Variants in RIPK4 observed in about 807,000 individuals in gnomAD.
RIPK4 encodes receptor interacting serine/threonine kinase 4.
Under a neutral mutation model 42.9 loss-of-function variants are expected in RIPK4, and 17 were observed. The observed-to-expected ratio is 0.40, with a 90% confidence interval of 0.27 to 0.59. The LOEUF (loss-of-function observed/expected upper bound fraction) is 0.59, where lower values mean the gene tolerates loss of function less well. Ranked by LOEUF, RIPK4 falls within the 20% of genes least tolerant of loss-of-function variation. The pLI is 0.47. For synonymous variants in RIPK4, 498 were observed against 499.1 expected, an observed-to-expected ratio of 1.00 and a Z score of 0.03; for missense variants, 897 against 1,104.4, an observed-to-expected ratio of 0.81 and a Z score of 2.66.
chr21:41,759,588 G>C (rs1206379083), intron 1 of RIPK4, among the ~76,000 whole-genome samples: 1 of 152,176 alleles, frequency 6.6e-6, no homozygotes, highest in Non-Finnish European at 1.5e-5. Context: ...CTATAACCCA[G>C]TGTCCGCTGC....
Position 41,741,650 on chromosome 21 carries a change from C to A in RIPK4, c.1543G>T (p.Gly515Trp). 1.2e-6 allele frequency: 2 copies of A among 1,613,658 alleles called. No homozygotes were observed. The highest frequency in any genetic ancestry group is 1.7e-6 in the Non-Finnish European group (2 of 1,180,006). The change falls in exon 8 of 8, where the codon GGG becomes TGG. Residue 515 changes from glycine to tryptophan, a missense_variant. Physicochemically the swap from Gly to Trp is radical, Grantham distance 184 (BLOSUM62 -2). Transcript: ENST00000332512. ...WTALHFAAQN[G>W]DESSTRLLLE... is the part of the protein sequence containing the mutation. ...AGCAGCCGTGTGCTAGACTCGTCCC[C>A]GTTCTGGGCTGCAAAGTGGAGGGCT... is the stretch of plus-strand genomic sequence containing the variant.
At chr21:41,766,766 C>T in intron 1 of RIPK4, 94 bp downstream of exon 1, 2 of 1,339,056 alleles carry the variant, frequency 1.5e-6, no homozygotes, top group Non-Finnish European at 2.0e-6. Context: ...GGGGTGAGTT[C>T]GGGAGAGAGA....
Position 41,756,894 on chromosome 21 carries a change from C to T in RIPK4, c.183-78G>A, listed in dbSNP as rs531353665. The T allele has an allele frequency of 2.3e-3, 3,382 of 1,481,084 alleles. 13 individuals carry two copies. Among genetic ancestry groups the T allele is most frequent in the Middle Eastern group, 6.7e-3 (38 of 5,702 alleles). 91.7% of individuals were successfully genotyped at this position (1,481,084 alleles called of 1,614,324 possible). Reference sequence around the variant, plus strand: ...ATGGAACAGCACCCTGGCCAGAAGACGACCAGCTCCAGAGGGCTGAGCAAA... The same window carrying T: ...ATGGAACAGCACCCTGGCCAGAAGATGACCAGCTCCAGAGGGCTGAGCAAA... On this transcript the variant is annotated intron_variant, in intron 1 of 7. Transcript: ENST00000332512.
intron 1 of RIPK4, among the ~76,000 whole-genome samples, chr21:41,759,030 G>A (rs192742617): frequency 6.6e-6 from 1 of 152,306 alleles, no homozygotes; most frequent in East Asian, 1.9e-4. Flanking sequence ...GAAGCTGGCT[G>A]GAATGCTGGT....
Position 41,756,616 on chromosome 21 carries a change from C to T in RIPK4, c.383G>A (p.Gly128Asp). The T allele has an allele frequency of 1.2e-6, 2 of 1,613,784 alleles. No individual in the cohort carries two copies. The highest frequency in any genetic ancestry group is 1.7e-6 in the Non-Finnish European group (2 of 1,179,984). The change falls in exon 2 of 8, where the codon GGC becomes GAC. Residue 128 changes from glycine to aspartate, a missense_variant. Gly to Asp is a moderately conservative substitution (Grantham distance 94). Transcript: ENST00000332512. ...RFRIIHETAV[G>D]MNFLHCMAPP... ...GGCCATGCAGTGCAGGAAGTTCATG[C>T]CCACCGCCGTCTCGTGGATGATTCG... is the stretch of plus-strand genomic sequence containing the variant.
At chr21:41,763,703 C>T (rs753606533) in intron 1 of RIPK4, among the ~76,000 whole-genome samples, 17 of 152,310 alleles carry the variant, frequency 1.1e-4, no homozygotes, top group Admixed American at 2.6e-4. Flanking sequence ...GGTTCCCACA[C>T]GGCTATTTTT....
At position 41,749,077 on chromosome 21, in the gene RIPK4, G is replaced by C. The variant is rs1420626104; in HGVS notation, c.673+77C>G. 3.4e-6 allele frequency: 5 copies of C among 1,478,332 alleles called. No individual in the cohort carries two copies. In the East Asian group the frequency reaches 9.0e-5, roughly 27 times the overall value. The allele number at this position is 1,478,332 out of a possible 1,614,324, so 91.6% of individuals were successfully genotyped here. ...GGATCACAGGCTCTGTTTTAGGATA[G>C]AGAAAGGACAACAAGGTGTCCCCCC... On this transcript the variant is annotated intron_variant, in intron 4 of 7. Coordinates refer to ENST00000332512, the MANE Select transcript of RIPK4 (RefSeq NM_020639.3).
intron 1 of RIPK4, among the ~76,000 whole-genome samples, chr21:41,764,192 G>A (rs2061229482): frequency 6.6e-6 from 1 of 152,232 alleles, no homozygotes; most frequent in Non-Finnish European, 1.5e-5. Context: ...AGAAAAGCAA[G>A]CTCACATGGC....
rs1422412268 is a variant in RIPK4 at position 41,746,169 on chromosome 21, T to C, written c.833-307A>G. On this transcript the variant is annotated intron_variant, in intron 5 of 7. Transcript: ENST00000332512. ...CGGATGAGCTCCCCATTCAGCCCGT[T>C]TCCTGCCGTAAGCTTTAAATGCAGC... The C allele has an allele frequency of 1.4e-5, 9 of 648,464 alleles. No individual in the cohort carries two copies. The African/African-American group carries it at 1.6e-4, about 12-fold the overall frequency. 40.2% of individuals were successfully genotyped at this position (648,464 alleles called of 1,614,324 possible).
At position 41,766,857 on chromosome 21, in the gene RIPK4, C is replaced by G. The variant is rs2061238892; in HGVS notation, c.182+3G>C. 6.2e-7 allele frequency: 1 copy of G among 1,606,462 alleles called. No individual in the cohort carries two copies. Among genetic ancestry groups the G allele is most frequent in the Admixed American group, 1.7e-5 (1 of 59,720 alleles). ...GCCCCAGCGCCCCGCCCGGGCCGCT[C>G]ACCTGTCGTCGACGTGCAGGCTGGG... On this transcript the variant is annotated splice_donor_region_variant and intron_variant, in intron 1 of 7. Transcript: ENST00000332512.
intron 2 of RIPK4, among the ~76,000 whole-genome samples, chr21:41,752,185 G>A (rs1247121745): frequency 6.6e-6 from 1 of 152,222 alleles, no homozygotes; most frequent in Non-Finnish European, 1.5e-5. Flanking sequence ...TTGATCCAGG[G>A]GGAGTGCTGC....
intron 1 of RIPK4, among the ~76,000 whole-genome samples, chr21:41,759,825 G>C (rs1253036069): frequency 6.6e-6 from 1 of 152,234 alleles, no homozygotes; most frequent in Non-Finnish European, 1.5e-5. Context: ...TTCCCTGCAG[G>C]AAAGGCCAGC....
At position 41,744,118 on chromosome 21, in the gene RIPK4, C is replaced by G; in HGVS notation, c.959G>C (p.Arg320Pro). Residue 320 changes from arginine to proline, a missense_variant, in exon 7 of 8, where the codon CGG (arginine) becomes CCG (proline). Arg to Pro is a moderately radical substitution (Grantham distance 103). Transcript: ENST00000332512. ...GTTATCGAAGGTGGGGGCAGAGGCC[C>G]GCTTGAGCCTCGCAGGCACCACCTG... ...RSEVVPARLKRASAPTFDNDY... is the reference protein window; with the variant it reads ...RSEVVPARLKPASAPTFDNDY... 6.3e-7 allele frequency: 1 copy of G among 1,598,706 alleles called. No homozygotes were observed. The highest frequency in any genetic ancestry group is 1.1e-5 in the South Asian group (1 of 90,092).
At position 41,742,121 on chromosome 21, in the gene RIPK4, A is replaced by G. The variant is rs558268189; in HGVS notation, c.1196-124T>C. Reference sequence around the variant, plus strand: ...ATGGCCTCCAGGCTGCTCGCTGGTCACCCGACTGTGTTTGAGCGTTGTCTG... The same window carrying G: ...ATGGCCTCCAGGCTGCTCGCTGGTCGCCCGACTGTGTTTGAGCGTTGTCTG... On this transcript the variant is annotated intron_variant, in intron 7 of 7. Coordinates refer to ENST00000332512, the MANE Select transcript of RIPK4 (RefSeq NM_020639.3). This position sits in a 1 kb window ranked among gnomAD's most constrained non-coding sequence, Gnocchi z 5.1. 5.3e-5 allele frequency: 45 copies of G among 848,448 alleles called. No individual in the cohort carries two copies. The highest frequency in any genetic ancestry group is 8.3e-5 in the Non-Finnish European group (45 of 541,164). The allele number at this position is 848,448 out of a possible 1,614,324, so 52.6% of individuals were successfully genotyped here.
intron 1 of RIPK4, among the ~76,000 whole-genome samples, chr21:41,760,979 C>T (rs1243791019): frequency 1.3e-5 from 2 of 152,194 alleles, no homozygotes; most frequent in Non-Finnish European, 2.9e-5. Flanking sequence ...CTGTGGGGGT[C>T]CCTGGGCTGA....
At position 41,749,144 on chromosome 21, in the gene RIPK4, G is replaced by A; in HGVS notation, c.673+10C>T. On this transcript the variant is annotated intron_variant, in intron 4 of 7. Transcript: ENST00000332512. ...CAAGCACATTACACCTCAAAGACAG[G>A]TCCACTCACCTGCAAACGGCTTCTT... 6.2e-7 allele frequency: 1 copy of A among 1,613,504 alleles called. No individual in the cohort carries two copies. The highest frequency in any genetic ancestry group is 8.5e-7 in the Non-Finnish European group (1 of 1,179,704).
rs777609679 is a variant in RIPK4, at chr21:41,756,775, A to T, written c.224T>A (p.Met75Lys). The T allele has an allele frequency of 6.2e-7, 1 of 1,614,032 alleles. No individual in the cohort carries two copies. The highest frequency in any genetic ancestry group is 2.2e-5 in the East Asian group (1 of 44,880). The change falls in exon 2 of 8, where the codon ATG becomes AAG. Residue 75 changes from methionine (M) to lysine (K), a missense_variant. By Grantham distance (95) the Met-to-Lys change is moderately conservative. Coordinates refer to ENST00000332512, the MANE Select transcript of RIPK4 (RefSeq NM_020639.3). ...AGGCAGGATGTAGCGAAACTTGGCC[A>T]TCTCCATCTTCTTGGCTTCTTCCAA... is the stretch of plus-strand genomic sequence containing the variant. Reference protein sequence around the residue: ...ELLEEAKKMEMAKFRYILPVY... With the variant: ...ELLEEAKKMEKAKFRYILPVY...
chr21:41,748,108 A>G (rs1203184322), intron 4 of RIPK4, among the ~76,000 whole-genome samples: 3 of 152,256 alleles, frequency 2.0e-5, no homozygotes. Context: ...AAGGCAAGAA[A>G]GGCGACAGGC....
intron 1 of RIPK4, among the ~76,000 whole-genome samples, chr21:41,763,231 C>T (rs73371631): frequency 2.0e-5 from 3 of 152,148 alleles, no homozygotes; most frequent in Non-Finnish European, 4.4e-5. Context: ...TAGATGAATT[C>T]GGTTTTCTCC....
Sources: allele counts gnomAD v4.1 joint callset (sites outside exome capture counted in the v4.1 genomes callset), GRCh38; gene constraint gnomAD v4.1.1; non-coding constraint Gnocchi (gnomAD v3.1); transcripts MANE v1.5; gene names NCBI Gene and HGNC (gene_info 2026-07-23, HGNC 2026-07-21).